ZDHHC20: variants seen among roughly 807,000 people sequenced by gnomAD.
The protein encoded by ZDHHC20 is palmitoyltransferase ZDHHC20.
A neutral mutation model predicts 57.8 loss-of-function variants in ZDHHC20; 43 were observed. The observed-to-expected ratio is 0.74, with a 90% CI of 0.58 to 0.96. The LOEUF is 0.96. ZDHHC20 is among the 40% of genes least tolerant of loss of function. The pLI, the probability that ZDHHC20 is intolerant of heterozygous loss-of-function variation, is 0.00. For synonymous variants in ZDHHC20, 157 were observed against 153.0 expected (o/e 1.03, Z -0.19); for missense variants, 391 against 441.1 (o/e 0.89, Z 1.02).
In ZDHHC20 at chr13:21,375,450, C is replaced by T. The variant is rs1447809784; in HGVS notation, c.*1246G>A. On this transcript the variant is annotated 3_prime_UTR_variant, in exon 13 of 13. Coordinates refer to ENST00000400590, the MANE Select transcript of ZDHHC20 (RefSeq NM_001330059.2). ...TTTCCTTGGAGTTAATGCAACACCT[C>T]CTGTCGCTTAGATTTTAAAAGGAAA... 2 of 231,862 alleles carry T rather than the reference C, an allele frequency of 8.6e-6. No individual in the cohort carries two copies. The highest frequency in any genetic ancestry group is 1.7e-5 in the Non-Finnish European group (2 of 116,108). The allele number at this position is 231,862 out of a possible 1,614,324, so 14.4% of individuals were successfully genotyped here.
rs760072140 is a variant in ZDHHC20 at position 21,459,076 on chromosome 13, C to T, written c.96G>A (p.Ala32=). The T allele has an allele frequency of 1.2e-6, 2 of 1,604,750 alleles. No individual in the cohort carries two copies. Among genetic ancestry groups the T allele is most frequent in the East Asian group, 4.5e-5 (2 of 44,142 alleles). ...CACACACGCAGAGCTCCACCACGTA[C>T]GCGTAGTAGGACCAGACGACCACGA... is the stretch of plus-strand genomic sequence containing the variant. ...ITFVVVWSYY[A]YVVELCVFTI... Residue 32 remains alanine (A), a synonymous_variant, in exon 1 of 13, where the codon GCG becomes GCA. Coordinates refer to ENST00000400590, the MANE Select transcript of ZDHHC20 (RefSeq NM_001330059.2).
chr13:21,459,300 G>T lies in ZDHHC20; in HGVS notation c.-129C>A. On this transcript the variant is annotated 5_prime_UTR_variant, in exon 1 of 13. Transcript: ENST00000400590. ...CCCGCCTCCGAGGCAGGACTTGTGG[G>T]AGCAAAAGTCCGAGGCGCCGCCGGG... 2 of 632,842 alleles carry T rather than the reference G, an allele frequency of 3.2e-6. No individual in the cohort carries two copies. The highest frequency in any genetic ancestry group is 5.0e-6 in the Non-Finnish European group (2 of 399,926). 39.2% of individuals were successfully genotyped at this position (632,842 alleles called of 1,614,324 possible). A position where few individuals can be genotyped will look rare whatever the true frequency, so the allele number is the denominator to read the frequency against.
rs376228644 is a variant in ZDHHC20, at chr13:21,413,672, T to C, written c.350A>G (p.Tyr117Cys). 10 of 1,608,392 alleles carry C rather than the reference T, an allele frequency of 6.2e-6. No homozygotes were observed. The highest frequency in any genetic ancestry group is 7.6e-6 in the Non-Finnish European group (9 of 1,178,938). The change falls in exon 4 of 13, where the codon TAT (tyrosine) becomes TGT (cysteine). Residue 117 changes from tyrosine (Y) to cysteine (C), a missense_variant. By Grantham distance (194) the Tyr-to-Cys change is radical. This residue lies in a region of ZDHHC20 where 185 missense variants were observed against 188.0 expected (regional missense o/e 0.98). Transcript: ENST00000400590. ...CTTACTTTTTGAAGCTGATGTGGTATAGATAGGTAAAGCTCTTGCTGCTCT... is the reference window on the plus strand; with the variant it reads ...CTTACTTTTTGAAGCTGATGTGGTACAGATAGGTAAAGCTCTTGCTGCTCT... ...LRRAARALPI[Y>C]TTSASKTIRY... is the part of the protein sequence containing the mutation.
chr13:21,381,141 G>A (rs1411747584), intron 11 of ZDHHC20, among the ~76,000 whole-genome samples: 1 of 151,860 alleles, frequency 6.6e-6, no homozygotes, highest in Admixed American at 6.6e-5. Flanking sequence ...TGAGTAGCTG[G>A]GAATACAGGC....
intron 4 of ZDHHC20, among the ~76,000 whole-genome samples, chr13:21,403,220 C>T (rs1167577266): frequency 1.3e-5 from 2 of 151,854 alleles, no homozygotes; most frequent in Non-Finnish European, 2.9e-5. Context: ...TACCACAATG[C>T]CTACAGTAAT....
At chr13:21,379,081 A>T (rs946880900) in intron 11 of ZDHHC20, among the ~76,000 whole-genome samples, 1 of 152,164 alleles carries the variant, frequency 6.6e-6, no homozygotes, top group Non-Finnish European at 1.5e-5. Flanking sequence ...AAACTTTGGA[A>T]TTTTTCCTTG....
At chr13:21,412,126 GC>G (rs1566087897) in intron 4 of ZDHHC20, among the ~76,000 whole-genome samples, 1 of 152,180 alleles carries the variant, frequency 6.6e-6, no homozygotes, top group African/African-American at 2.4e-5. Context: ...GAAGGGTGCT[GC>G]ATCCCAGGGT....
intron 1 of ZDHHC20, among the ~76,000 whole-genome samples, chr13:21,441,872 T>C (rs1883209146): frequency 1.3e-5 from 2 of 152,166 alleles, no homozygotes; most frequent in African/African-American, 4.8e-5. Flanking sequence ...CAGAAATAGT[T>C]TTCCCTCTTC....
At chr13:21,396,159 G>A (rs896747926) in intron 7 of ZDHHC20, among the ~76,000 whole-genome samples, 3 of 152,226 alleles carry the variant, frequency 2.0e-5, no homozygotes, top group East Asian at 1.9e-4. Flanking sequence ...TGGTTCCCAC[G>A]TGGTGCTTCC....
intron 1 of ZDHHC20, among the ~76,000 whole-genome samples, chr13:21,441,549 CTTTTTTTTTTTT>C (rs397851910): frequency 0.025 from 1,627 of 65,414 alleles, 19 homozygotes; most frequent in Middle Eastern, 0.12. Context: ...CCACGCCCGG[CTTTTTTTTTTTT>C]TTTTTTTTTT....
intron 7 of ZDHHC20, among the ~76,000 whole-genome samples, chr13:21,396,573 C>T (rs1876818887): frequency 6.6e-6 from 1 of 152,116 alleles, no homozygotes; most frequent in Non-Finnish European, 1.5e-5. Context: ...TGGCTCACAC[C>T]TATTATCCCA....
chr13:21,387,014 T>C (rs894821885), intron 9 of ZDHHC20, among the ~76,000 whole-genome samples: 1 of 152,172 alleles, frequency 6.6e-6, no homozygotes, highest in Non-Finnish European at 1.5e-5. Context: ...TTTGATGACT[T>C]TGGTATATAG....
intron 1 of ZDHHC20, among the ~76,000 whole-genome samples, chr13:21,432,172 T>C (rs1882037458): frequency 6.6e-6 from 1 of 152,126 alleles, no homozygotes; most frequent in South Asian, 2.1e-4. Context: ...CATATTTTAT[T>C]TTATTATTTT....
rs1175014109 is a variant in ZDHHC20, at chr13:21,448,464, T to TG, written c.118+10589dup. Among the ~76,000 whole-genome samples, 55 of 58,334 alleles carry TG rather than the reference T, an allele frequency of 9.4e-4. 9 individuals carry two copies. Among genetic ancestry groups the TG allele is most frequent in the African/African-American group, 1.7e-3 (30 of 17,772 alleles). 38.3% of individuals were successfully genotyped at this position (58,334 alleles called of 152,430 possible). On this transcript the variant is annotated intron_variant, in intron 1 of 12. Transcript: ENST00000400590. ...CCAGCCGCCCCGTCCGGGAAGGAGG[T>TG]GGGGGGGGTCAGCCCCGCCGCCCGG...
At chr13:21,390,215 G>C (rs1245603886) in intron 8 of ZDHHC20, 1 of 152,208 alleles carries the variant, frequency 6.6e-6, no homozygotes, top group East Asian at 1.9e-4. Context: ...TATGGCTGCA[G>C]ATTGCAGGTG....
chr13:21,432,965 T>G (rs1290927488), intron 1 of ZDHHC20, among the ~76,000 whole-genome samples: 3 of 152,240 alleles, frequency 2.0e-5, no homozygotes, highest in African/African-American at 7.2e-5. Flanking sequence ...GAACTCTATT[T>G]TGTTCCACTG....
chr13:21,450,436 T>C (rs1884333721), intron 1 of ZDHHC20, among the ~76,000 whole-genome samples: 1 of 152,164 alleles, frequency 6.6e-6, no homozygotes, highest in African/African-American at 2.4e-5. Context: ...TGAGTTTATG[T>C]GGGGAAATAA....
Position 21,446,102 on chromosome 13 carries a change from A to G in ZDHHC20, c.118+12952T>C, listed in dbSNP as rs180909174. 2.0e-5 allele frequency among the ~76,000 whole-genome samples: 3 copies of G among 152,340 alleles called. No individual in the cohort carries two copies. In the East Asian group the frequency reaches 5.8e-4, roughly 29 times the overall value. Reference sequence around the variant, plus strand: ...AGCAGTGGCAGGCCACAGCATCTAGAGCCTTATATATTTTCAACTTTGAAT... The same window carrying G: ...AGCAGTGGCAGGCCACAGCATCTAGGGCCTTATATATTTTCAACTTTGAAT... On this transcript the variant is annotated intron_variant, in intron 1 of 12. Transcript: ENST00000400590.
At chr13:21,387,667 A>C (rs764211081) in intron 8 of ZDHHC20, 33 bp from the exon 9 acceptor site, 2 of 1,285,498 alleles carry the variant, frequency 1.6e-6, no homozygotes, top group South Asian at 5.3e-5. Flanking sequence ...TAAACTAATT[A>C]ATCTATTTAA....
Sources: gnomAD v4.1 joint callset for allele counts (sites outside exome capture counted in the v4.1 genomes callset) on GRCh38, gnomAD v4.1.1 for gene constraint, gnomAD v4.1.1 regional missense constraint, MANE v1.5 for transcripts, NCBI Gene and HGNC (gene_info 2026-07-23, HGNC 2026-07-21) for gene names.